The following SGCZ variants were observed in gnomAD, a reference collection of about 807,000 sequenced individuals.
SGCZ encodes zeta-sarcoglycan.
A neutral mutation model predicts 41.3 loss-of-function variants in SGCZ; 40 were observed. The ratio of observed to expected loss-of-function variants is 0.97; its 90% CI spans 0.75 to 1.26. The LOEUF is 1.26. SGCZ is among the 50% of genes most tolerant of loss of function. SGCZ has a pLI of 0.00. For synonymous variants in SGCZ, 206 were observed against 137.5 expected, an observed-to-expected ratio of 1.50 and a Z score of -3.49; for missense variants, 552 against 369.8, an observed-to-expected ratio of 1.49 and a Z score of -4.04.
At chr8:14,805,552 C>A (rs1214382526) in intron 1 of SGCZ, among the ~76,000 whole-genome samples, 1 of 135,266 alleles carries the variant, frequency 7.4e-6, no homozygotes, top group Non-Finnish European at 1.7e-5. Context: ...TATATGCACC[C>A]AATACAGGAG....
At chr8:14,764,852 T>C (rs570207064) in intron 1 of SGCZ, among the ~76,000 whole-genome samples, 65 of 152,334 alleles carry the variant, frequency 4.3e-4, no homozygotes, top group African/African-American at 1.6e-3. Context: ...ATTATTTTTC[T>C]TAAGAAATAC....
chr8:15,001,257 A>T (rs1361089491), intron 1 of SGCZ, among the ~76,000 whole-genome samples: 1 of 152,226 alleles, frequency 6.6e-6, no homozygotes, highest in Non-Finnish European at 1.5e-5. Context: ...TTTCTGAGAT[A>T]AGACTTCAGG....
chr8:14,974,047 A>G (rs1420257038), intron 1 of SGCZ, among the ~76,000 whole-genome samples: 2 of 152,126 alleles, frequency 1.3e-5, no homozygotes, highest in Non-Finnish European at 2.9e-5. Flanking sequence ...TGCTATCACC[A>G]TTTGCTGATT....
At chr8:15,057,105 C>G (rs890168689) in intron 1 of SGCZ, among the ~76,000 whole-genome samples, 8 of 152,172 alleles carry the variant, frequency 5.3e-5, no homozygotes, top group African/African-American at 1.9e-4. Context: ...TCCCCGATTA[C>G]CACTGTGTGG....
At chr8:14,632,798 G>C (rs370981465) in intron 1 of SGCZ, among the ~76,000 whole-genome samples, 9 of 151,988 alleles carry the variant, frequency 5.9e-5, no homozygotes, top group East Asian at 1.9e-4. Flanking sequence ...CATCCTATAA[G>C]ATAAAGGGGA....
chr8:14,639,038 C>CTTTTTTTTTT (rs148778266), intron 1 of SGCZ, among the ~76,000 whole-genome samples: 1 of 137,614 alleles, frequency 7.3e-6, no homozygotes, highest in African/African-American at 2.7e-5. Flanking sequence ...AAACTGGAAT[C>CTTTTTTTTTT]TTTTTTTTTT....
chr8:14,595,968 A>G (rs1359753734), intron 1 of SGCZ, among the ~76,000 whole-genome samples: 3 of 152,218 alleles, frequency 2.0e-5, no homozygotes, highest in Non-Finnish European at 4.4e-5. Context: ...TGGAAAATGC[A>G]TGTTTAAGAA....
At chr8:14,894,140 A>T (rs1256380355) in intron 1 of SGCZ, among the ~76,000 whole-genome samples, 1 of 152,198 alleles carries the variant, frequency 6.6e-6, no homozygotes, top group Non-Finnish European at 1.5e-5. Context: ...TAAGATCTTA[A>T]TATAAAATAT....
Position 14,423,607 on chromosome 8 carries a change from G to C in SGCZ, c.235-99403C>G, listed in dbSNP as rs1226536242. 5.3e-5 allele frequency among the ~76,000 whole-genome samples: 8 copies of C among 151,976 alleles called. 1 individual carries two copies. The South Asian group carries it at 6.2e-4, about 12-fold the overall frequency. ...AATTTTGTATTTTTAGTAGAGACAGGGTTTCTCCGTTGATCAGGTTGGTCG... is the reference window on the plus strand; with the variant it reads ...AATTTTGTATTTTTAGTAGAGACAGCGTTTCTCCGTTGATCAGGTTGGTCG... On this transcript the variant is annotated intron_variant, in intron 2 of 7. Coordinates refer to ENST00000382080, the MANE Select transcript of SGCZ (RefSeq NM_139167.4).
At chr8:14,249,451 C>T (rs983042992) in intron 3 of SGCZ, among the ~76,000 whole-genome samples, 3 of 151,944 alleles carry the variant, frequency 2.0e-5, no homozygotes, top group Admixed American at 6.6e-5. Context: ...CTCTAGAGAA[C>T]CCAGACTAAT....
chr8:14,847,984 A>T (rs1322193038), intron 1 of SGCZ, among the ~76,000 whole-genome samples: 1 of 152,156 alleles, frequency 6.6e-6, no homozygotes, highest in Non-Finnish European at 1.5e-5. Flanking sequence ...TCATCCATGT[A>T]GAAAATTAAA....
intron 1 of SGCZ, among the ~76,000 whole-genome samples, chr8:14,805,286 AG>A (rs1801480679): frequency 1.1e-5 from 1 of 92,138 alleles, no homozygotes; most frequent in Non-Finnish European, 2.3e-5. Flanking sequence ...CAGACTGGCA[AG>A]TTGGATAAAG....
intron 1 of SGCZ, among the ~76,000 whole-genome samples, chr8:15,133,218 T>C (rs189805262): frequency 9.5e-4 from 144 of 152,290 alleles, no homozygotes; most frequent in African/African-American, 3.2e-3. Flanking sequence ...AACAAGATCA[T>C]GATGTGCCTT....
intron 1 of SGCZ, among the ~76,000 whole-genome samples, chr8:15,055,569 C>A (rs1397632410): frequency 6.6e-6 from 1 of 152,118 alleles, no homozygotes; most frequent in Non-Finnish European, 1.5e-5. Context: ...CATTTCCAGG[C>A]AACAGTATGG....
chr8:15,203,902 T>C lies in SGCZ; in HGVS notation c.39+33683A>G, dbSNP rs75799983. ...ATGGATTCATTTATTCTACTTTATG[T>C]GTTATATAGCTTTTGCCTCAAAACT... On this transcript the variant is annotated intron_variant, in intron 1 of 7. Coordinates refer to ENST00000382080, the MANE Select transcript of SGCZ (RefSeq NM_139167.4). Among the ~76,000 whole-genome samples, 534 of 152,362 alleles carry C rather than the reference T, an allele frequency of 3.5e-3. 28 individuals carry two copies. In the East Asian group the frequency reaches 0.07, roughly 20 times the overall value.
chr8:14,249,419 C>T (rs974608311), intron 3 of SGCZ, among the ~76,000 whole-genome samples: 2 of 152,030 alleles, frequency 1.3e-5, no homozygotes, highest in Non-Finnish European at 2.9e-5. Flanking sequence ...TATAATAAAT[C>T]TCTTTATTTA....
At chr8:14,917,167 A>G (rs1487089912) in intron 1 of SGCZ, among the ~76,000 whole-genome samples, 1 of 152,126 alleles carries the variant, frequency 6.6e-6, no homozygotes, top group Non-Finnish European at 1.5e-5. Flanking sequence ...TGAATTGTCA[A>G]TCATAATTTG....
intron 1 of SGCZ, among the ~76,000 whole-genome samples, chr8:14,892,700 G>C (rs1445757354): frequency 6.6e-6 from 1 of 152,086 alleles, no homozygotes; most frequent in Non-Finnish European, 1.5e-5. Flanking sequence ...TAAAAATTAT[G>C]ATCAACACTT....
chr8:15,104,467 G>C (rs1806740748), intron 1 of SGCZ, among the ~76,000 whole-genome samples: 1 of 152,124 alleles, frequency 6.6e-6, no homozygotes, highest in Non-Finnish European at 1.5e-5. Flanking sequence ...AAAAACTAAA[G>C]TAATATTATA....
Sources: gnomAD v4.1 joint callset for allele counts (sites outside exome capture counted in the v4.1 genomes callset) on GRCh38, gnomAD v4.1.1 for gene constraint, MANE v1.5 for transcripts, NCBI Gene and HGNC (gene_info 2026-07-23, HGNC 2026-07-21) for gene names.